ALMS1: variants seen among roughly 807,000 people sequenced by gnomAD.
The protein encoded by ALMS1 is ALMS1 centrosome and basal body associated protein.
ALMS1 carries 271 observed loss-of-function variants against 352.2 expected under a neutral mutation model. The ratio of observed to expected loss-of-function variants is 0.77; its 90% confidence interval spans 0.70 to 0.85. ALMS1 has a LOEUF of 0.85. ALMS1 is among the 40% of genes least tolerant of loss of function. The probability of loss-of-function intolerance (pLI) is 0.00; values close to 1 mark genes in which losing one functional copy is unlikely to be tolerated. For synonymous variants in ALMS1, 1,865 were observed against 1,761.2 expected (o/e 1.06, Z -1.48); for missense variants, 5,445 against 4,870.7 (o/e 1.12, Z -3.51).
intron 1 of ALMS1, among the ~76,000 whole-genome samples, chr2:73,399,142 C>T (rs919743624): frequency 3.9e-5 from 6 of 152,174 alleles, no homozygotes; most frequent in Non-Finnish European, 8.8e-5. Context: ...TGAGCCACTG[C>T]GCCTGGCCTG....
intron 11 of ALMS1, among the ~76,000 whole-genome samples, chr2:73,532,873 C>A (rs1478529953): frequency 6.6e-6 from 1 of 152,214 alleles, no homozygotes; most frequent in East Asian, 1.9e-4. Context: ...CTGAGTCTCA[C>A]CCAGGTGAGT....
chr2:73,545,471 G>T (rs913222362), intron 12 of ALMS1, among the ~76,000 whole-genome samples: 79 of 152,208 alleles, frequency 5.2e-4, no homozygotes, highest in East Asian at 3.9e-4. Context: ...GTGAGCCACC[G>T]CACGTGGTCA....
chr2:73,427,892 C>T (rs1196071024), intron 6 of ALMS1, among the ~76,000 whole-genome samples: 2 of 152,128 alleles, frequency 1.3e-5, no homozygotes, highest in African/African-American at 4.8e-5. Context: ...AATGTTACTT[C>T]TCTTTTCCTA....
intron 7 of ALMS1, among the ~76,000 whole-genome samples, chr2:73,440,278 C>T (rs576459217): frequency 1.1e-4 from 17 of 152,228 alleles, no homozygotes; most frequent in Non-Finnish European, 2.1e-4. Context: ...CCAATGCACC[C>T]GGCCCTTGGT....
At chr2:73,430,264 G>C (rs1671473060) in intron 6 of ALMS1, among the ~76,000 whole-genome samples, 1 of 151,962 alleles carries the variant, frequency 6.6e-6, no homozygotes, top group Admixed American at 6.6e-5. Context: ...TTTTAGTAGA[G>C]ACGGGGTTTC....
intron 10 of ALMS1, among the ~76,000 whole-genome samples, chr2:73,498,874 T>C (rs746974885): frequency 1.8e-4 from 27 of 152,164 alleles, no homozygotes; most frequent in Non-Finnish European, 2.2e-4. Context: ...GCAACAAACA[T>C]GGGATTGCAT....
intron 20 of ALMS1, among the ~76,000 whole-genome samples, chr2:73,602,995 T>C (rs1464034405): frequency 6.6e-6 from 1 of 152,252 alleles, no homozygotes; most frequent in Non-Finnish European, 1.5e-5. Context: ...TATCCAACTT[T>C]AGAAACCGGC....
chr2:73,505,220 A>G (rs1408234969), intron 10 of ALMS1, among the ~76,000 whole-genome samples: 1 of 152,172 alleles, frequency 6.6e-6, no homozygotes, highest in Non-Finnish European at 1.5e-5. Flanking sequence ...ATGATTTATA[A>G]TCGTTGGGGT....
Position 73,573,037 on chromosome 2 carries a change from T to C in ALMS1, c.11160T>C (p.Ile3720=). 2 of 1,614,076 alleles carry C rather than the reference T, an allele frequency of 1.2e-6. No homozygotes were observed. Among genetic ancestry groups the C allele is most frequent in the Non-Finnish European group, 8.5e-7 (1 of 1,179,982 alleles). The change falls in exon 16 of 23, where the codon ATT becomes ATC. Residue 3720 remains isoleucine (I), a synonymous_variant. Coordinates refer to ENST00000613296, the MANE Select transcript of ALMS1 (RefSeq NM_001378454.1). The part of the protein sequence containing the change: ...KIEQIKFDKY[I]LSKQPGFNYI... Reference sequence around the variant, plus strand: ...AACAGATTAAATTTGATAAATATATTCTGAGTAAACAGCCAGGTTTTAATT... The same window carrying C: ...AACAGATTAAATTTGATAAATATATCCTGAGTAAACAGCCAGGTTTTAATT...
intron 11 of ALMS1, among the ~76,000 whole-genome samples, chr2:73,522,388 T>A (rs1266460909): frequency 6.6e-6 from 1 of 152,028 alleles, no homozygotes; most frequent in Non-Finnish European, 1.5e-5. Flanking sequence ...AGGCTACAGC[T>A]TTTTTCTTTT....
At chr2:73,542,002 T>C (rs566365247) in intron 12 of ALMS1, among the ~76,000 whole-genome samples, 5 of 152,308 alleles carry the variant, frequency 3.3e-5, no homozygotes, top group African/African-American at 1.2e-4. Context: ...GAGGGAATCC[T>C]CCCTAACTCA....
rs200498913 is a variant in ALMS1, at chr2:73,609,723, A to G, written c.*111A>G. 5.4e-5 allele frequency: 59 copies of G among 1,095,436 alleles called. No homozygotes were observed. In the East Asian group the frequency reaches 1.3e-3, roughly 24 times the overall value. The allele number at this position is 1,095,436 out of a possible 1,614,324, so 67.9% of individuals were successfully genotyped here. A position where few individuals can be genotyped will look rare whatever the true frequency, so the allele number is the denominator to read the frequency against. The stretch of plus-strand genomic sequence containing the variant: ...TAAAGCTTATTCTTTGTCCATGTGT[A>G]TTTTAGAAATAGTAACTTCTAAAGA... On this transcript the variant is annotated 3_prime_UTR_variant, in exon 23 of 23. Coordinates refer to ENST00000613296, the MANE Select transcript of ALMS1 (RefSeq NM_001378454.1).
intron 13 of ALMS1, 130 bp downstream of exon 13, chr2:73,550,567 C>A: frequency 8.4e-7 from 1 of 1,192,780 alleles, no homozygotes; most frequent in Non-Finnish European, 1.2e-6. Context: ...TTATATTGAG[C>A]ATATACAAGA....
At chr2:73,585,126 C>T (rs757380823) in intron 16 of ALMS1, among the ~76,000 whole-genome samples, 25 of 152,100 alleles carry the variant, frequency 1.6e-4, no homozygotes, top group Admixed American at 8.5e-4. Context: ...GACATATTTT[C>T]CTCTGGGAAG....
At chr2:73,487,680 C>T (rs901105610) in intron 9 of ALMS1, among the ~76,000 whole-genome samples, 22 of 152,144 alleles carry the variant, frequency 1.4e-4, no homozygotes, top group African/African-American at 5.3e-4. Flanking sequence ...TGTCCTGCAT[C>T]CATGAAGAAT....
chr2:73,408,548 A>C (rs941948326), intron 1 of ALMS1, 74 bp from the exon 2 acceptor site: 1 of 1,505,294 alleles, frequency 6.6e-7, no homozygotes, highest in African/African-American at 1.4e-5. Context: ...TATGGTCTAA[A>C]TATTAGTTTA....
At chr2:73,429,577 C>T (rs1458352630) in intron 6 of ALMS1, among the ~76,000 whole-genome samples, 1 of 152,176 alleles carries the variant, frequency 6.6e-6, no homozygotes, top group African/African-American at 2.4e-5. Context: ...GCCACCGTGC[C>T]TGGCCTAATA....
intron 19 of ALMS1, among the ~76,000 whole-genome samples, 180 bp from the exon 20 acceptor site, chr2:73,602,005 C>T (rs529153527): frequency 1.3e-5 from 2 of 152,300 alleles, no homozygotes; most frequent in East Asian, 1.9e-4. Flanking sequence ...CTGCGGTTTC[C>T]AAGCTGCAGC....
At chr2:73,492,498 G>A (rs1177312981) in intron 10 of ALMS1, among the ~76,000 whole-genome samples, 2 of 152,094 alleles carry the variant, frequency 1.3e-5, no homozygotes, top group Non-Finnish European at 2.9e-5. Context: ...GTAAGGATTT[G>A]TTCCTCTACA....
Sources: gnomAD v4.1 joint callset for allele counts (sites outside exome capture counted in the v4.1 genomes callset) on GRCh38, gnomAD v4.1.1 for gene constraint, MANE v1.5 for transcripts, NCBI Gene and HGNC (gene_info 2026-07-23, HGNC 2026-07-21) for gene names.